The following DRC11 variants were observed in gnomAD, a reference collection of about 807,000 sequenced individuals.
DRC11 encodes the protein IQ and AAA domain-containing protein 1.
At chr2:236,356,503 G>A in the DRC11 span, among the ~76,000 whole-genome samples, 9 of 152,356 alleles carry the variant, frequency 5.9e-5, no homozygotes, top group South Asian at 1.7e-3. Flanking sequence ...GGGGCCACGC[G>A]ACGGTCTTGG....
the DRC11 span, chr2:236,503,677 C>T: frequency 6.4e-7 from 1 of 1,550,958 alleles, no homozygotes; most frequent in Admixed American, 2.0e-5. This position sits in a 1 kb window ranked among gnomAD's most constrained non-coding sequence, Gnocchi z 4.9. Context: ...TTCCACCAGA[C>T]CCTCTTCCCT....
chr2:236,336,808 C>T, the DRC11 span, among the ~76,000 whole-genome samples: 251 of 152,318 alleles, frequency 1.6e-3, 1 homozygote, highest in Middle Eastern at 0.021. The surrounding 1 kb of genome is among the most constrained non-coding windows in gnomAD (Gnocchi z 7.3). Flanking sequence ...GGCCCCGCCA[C>T]GAGCCACCCC....
At chr2:236,387,167 T>A in the DRC11 span, among the ~76,000 whole-genome samples, 3 of 149,996 alleles carry the variant, frequency 2.0e-5, no homozygotes, top group African/African-American at 7.3e-5. Flanking sequence ...GTTCTGTAGA[T>A]GTCTATTAGG....
chr2:236,355,826 GTCT>G, the DRC11 span, among the ~76,000 whole-genome samples: 12 of 152,044 alleles, frequency 7.9e-5, no homozygotes, highest in Admixed American at 1.3e-4. Context: ...AGGAAGAGAA[GTCT>G]TCTTCTATGA....
At chr2:236,350,939 C>T in the DRC11 span, among the ~76,000 whole-genome samples, 3 of 152,032 alleles carry the variant, frequency 2.0e-5, no homozygotes, top group South Asian at 2.1e-4. This position sits in a 1 kb window ranked among gnomAD's most constrained non-coding sequence, Gnocchi z 5.2. Context: ...CAGTGTCAAG[C>T]GGAAGCTACT....
chr2:236,413,729 CA>C, the DRC11 span, among the ~76,000 whole-genome samples: 3 of 152,276 alleles, frequency 2.0e-5, no homozygotes, highest in Non-Finnish European at 4.4e-5. The surrounding 1 kb of genome is among the most constrained non-coding windows in gnomAD (Gnocchi z 4.0). Context: ...GGCTGGAGTG[CA>C]TTTAGAGAAG....
At chr2:236,428,880 T>C in the DRC11 span, among the ~76,000 whole-genome samples, 1 of 152,264 alleles carries the variant, frequency 6.6e-6, no homozygotes, top group African/African-American at 2.4e-5. Flanking sequence ...TTGCTGAGCT[T>C]CTTTAGAATA....
At chr2:236,471,150 A>C in the DRC11 span, among the ~76,000 whole-genome samples, 1 of 152,206 alleles carries the variant, frequency 6.6e-6, no homozygotes, top group Non-Finnish European at 1.5e-5. This position sits in a 1 kb window ranked among gnomAD's most constrained non-coding sequence, Gnocchi z 4.6. Context: ...ATCGAGGTAC[A>C]CAGAAGTCAA....
chr2:236,507,387 C>T, the DRC11 span: 1 of 996,980 alleles, frequency 1.0e-6, no homozygotes, highest in African/African-American at 1.6e-5. Flanking sequence ...GGTGGGGGGT[C>T]TTCTGGAGGG....
the DRC11 span, among the ~76,000 whole-genome samples, chr2:236,439,220 G>T: frequency 1.3e-5 from 2 of 151,614 alleles, no homozygotes; most frequent in Non-Finnish European, 2.9e-5. Context: ...ACTAAAATCA[G>T]AGCAGAACTG....
At chr2:236,456,802 G>A in the DRC11 span, among the ~76,000 whole-genome samples, 2 of 152,216 alleles carry the variant, frequency 1.3e-5, no homozygotes, top group African/African-American at 2.4e-5. The surrounding 1 kb of genome is among the most constrained non-coding windows in gnomAD (Gnocchi z 5.4). Context: ...AGTAACAAGC[G>A]TAGGTGGCGG....
chr2:236,491,219 GTATATATATA>G, the DRC11 span, among the ~76,000 whole-genome samples: 2 of 19,552 alleles, frequency 1.0e-4, no homozygotes, highest in Admixed American at 6.1e-4. Flanking sequence ...TATACACACA[GTATATATATA>G]TATATATATA....
the DRC11 span, among the ~76,000 whole-genome samples, chr2:236,322,215 C>T: frequency 6.8e-6 from 1 of 147,124 alleles, no homozygotes; most frequent in African/African-American, 2.5e-5. Flanking sequence ...AGCTGCTTTT[C>T]ATGTTTCTTT....
the DRC11 span, among the ~76,000 whole-genome samples, chr2:236,462,169 C>T: frequency 2.6e-5 from 4 of 152,196 alleles, no homozygotes; most frequent in South Asian, 4.1e-4. The surrounding 1 kb of genome is among the most constrained non-coding windows in gnomAD (Gnocchi z 6.4). Flanking sequence ...ATGGAGGGGA[C>T]CTGCTGGATA....
the DRC11 span, among the ~76,000 whole-genome samples, chr2:236,481,810 T>G: frequency 6.6e-6 from 1 of 151,550 alleles, no homozygotes; most frequent in East Asian, 1.9e-4. Context: ...TATTTACACT[T>G]TAGTTGAAAT....
the DRC11 span, among the ~76,000 whole-genome samples, chr2:236,500,056 TTG>T: frequency 6.6e-6 from 1 of 151,654 alleles, no homozygotes; most frequent in Non-Finnish European, 1.5e-5. This position sits in a 1 kb window ranked among gnomAD's most constrained non-coding sequence, Gnocchi z 6.3. Context: ...AAAGCGTATC[TTG>T]ATGTTTGCAA....
At chr2:236,501,793 G>A in the DRC11 span, among the ~76,000 whole-genome samples, 7,263 of 152,206 alleles carry the variant, frequency 0.048, 583 homozygotes, top group African/African-American at 0.16. Flanking sequence ...AACCTGCCAG[G>A]ACAACATTCA....
At chr2:236,466,273 C>A in the DRC11 span, among the ~76,000 whole-genome samples, 1 of 152,138 alleles carries the variant, frequency 6.6e-6, no homozygotes, top group Admixed American at 6.5e-5. Context: ...TCTAGAGCTT[C>A]TTTGAACAAG....
chr2:236,383,839 A>G, the DRC11 span, among the ~76,000 whole-genome samples: 14 of 121,022 alleles, frequency 1.2e-4, no homozygotes, highest in Non-Finnish European at 5.1e-5. Context: ...AACAGTCCCC[A>G]GAGTGTGATA....
Sources: allele counts gnomAD v4.1 joint callset (sites outside exome capture counted in the v4.1 genomes callset), GRCh38; gene constraint gnomAD v4.1.1; non-coding constraint Gnocchi (gnomAD v3.1); transcripts MANE v1.5; gene names NCBI Gene and HGNC (gene_info 2026-07-23, HGNC 2026-07-21).